Variants in PRELID2 observed in about 807,000 individuals in gnomAD.
The protein encoded by PRELID2 is PRELI domain containing 2.
PRELID2 carries 25 observed loss-of-function variants against 28.4 expected under a neutral mutation model. That is an observed-to-expected ratio of 0.88 (90% confidence interval 0.64 to 1.23). The LOEUF is 1.23. PRELID2 is among the 50% of genes most tolerant of loss of function. The pLI, the probability that PRELID2 is intolerant of heterozygous loss-of-function variation, is 0.00. For missense variants in PRELID2, 201 were observed against 214.4 expected, an observed-to-expected ratio of 0.94 and a Z score of 0.39; for synonymous variants, 76 against 71.6, an observed-to-expected ratio of 1.06 and a Z score of -0.31.
intron 2 of PRELID2, among the ~76,000 whole-genome samples, chr5:145,821,451 A>G (rs1302789986): frequency 6.6e-6 from 1 of 152,128 alleles, no homozygotes; most frequent in Non-Finnish European, 1.5e-5. Flanking sequence ...TTCTGCGGTG[A>G]AGTTTCCAGA....
At chr5:145,577,908 T>C (rs559008814) in intron 1 of PRELID2, among the ~76,000 whole-genome samples, 1 of 152,228 alleles carries the variant, frequency 6.6e-6, no homozygotes, top group Middle Eastern at 3.4e-3. Flanking sequence ...GAATAAAAAA[T>C]AAACAAATGC....
At chr5:145,515,045 G>T (rs1184070461) in intron 1 of PRELID2, among the ~76,000 whole-genome samples, 1 of 152,060 alleles carries the variant, frequency 6.6e-6, no homozygotes, top group East Asian at 1.9e-4. Context: ...ATGGCCACAG[G>T]ACAAAGCGGG....
At chr5:145,819,825 T>C (rs1210149466) in intron 3 of PRELID2, 120 bp downstream of exon 3, 24 of 735,976 alleles carry the variant, frequency 3.3e-5, no homozygotes, top group Non-Finnish European at 5.2e-5. Flanking sequence ...CAGAAGGTTC[T>C]GAGGTAAAAG....
chr5:145,497,304 C>G (rs569343293), intron 1 of PRELID2, among the ~76,000 whole-genome samples: 1 of 152,278 alleles, frequency 6.6e-6, no homozygotes, highest in South Asian at 2.1e-4. Flanking sequence ...TCAGATATGA[C>G]TTTCCAGCTT....
the PRELID2 span, among the ~76,000 whole-genome samples, chr5:145,458,133 C>G: frequency 2.0e-5 from 3 of 152,144 alleles, no homozygotes; most frequent in Non-Finnish European, 4.4e-5. Context: ...TTCAAAGATA[C>G]TTTGCTACTT....
At chr5:145,614,213 C>T (rs185564705) in intron 1 of PRELID2, among the ~76,000 whole-genome samples, 18 of 152,242 alleles carry the variant, frequency 1.2e-4, no homozygotes, top group African/African-American at 2.2e-4. Flanking sequence ...GCTGTTTTGG[C>T]GACTATGGCC....
chr5:145,699,733 C>T (rs1478706883), intron 1 of PRELID2, among the ~76,000 whole-genome samples: 1 of 152,154 alleles, frequency 6.6e-6, no homozygotes, highest in Non-Finnish European at 1.5e-5. Flanking sequence ...CTAAGCGTGG[C>T]CCCAGACTCT....
chr5:145,351,303 G>T, the PRELID2 span, among the ~76,000 whole-genome samples: 1 of 152,248 alleles, frequency 6.6e-6, no homozygotes, highest in South Asian at 2.1e-4. Context: ...AGTTCCACAT[G>T]GTTGGGGAGG....
the PRELID2 span, among the ~76,000 whole-genome samples, chr5:145,322,949 C>G: frequency 1.3e-5 from 2 of 152,086 alleles, no homozygotes; most frequent in African/African-American, 4.8e-5. Flanking sequence ...CCACTGCACT[C>G]CAGCCTGGTG....
intron 1 of PRELID2, among the ~76,000 whole-genome samples, chr5:145,520,766 CA>C (rs1333229202): frequency 1.3e-5 from 2 of 152,104 alleles, no homozygotes; most frequent in Non-Finnish European, 2.9e-5. Flanking sequence ...AAACCTCAAG[CA>C]GACAAGGATT....
At chr5:145,812,768 T>C (rs1242045044) in intron 4 of PRELID2, among the ~76,000 whole-genome samples, 1 of 152,186 alleles carries the variant, frequency 6.6e-6, no homozygotes, top group Non-Finnish European at 1.5e-5. Flanking sequence ...GAGAGTCAGA[T>C]GAGTGAGAAA....
At chr5:145,238,842 A>G in the PRELID2 span, among the ~76,000 whole-genome samples, 6 of 152,126 alleles carry the variant, frequency 3.9e-5, no homozygotes, top group Admixed American at 2.6e-4. Flanking sequence ...CTTTCCTTCA[A>G]TAAAGAAGTC....
chr5:145,407,643 C>G, the PRELID2 span, among the ~76,000 whole-genome samples: 1 of 152,202 alleles, frequency 6.6e-6, no homozygotes, highest in Non-Finnish European at 1.5e-5. Context: ...TCCCCTTTAA[C>G]TCCTGTAGCT....
chr5:145,392,739 A>G, the PRELID2 span, among the ~76,000 whole-genome samples: 261 of 152,046 alleles, frequency 1.7e-3, 2 homozygotes, highest in Admixed American at 0.014. Context: ...GAAAGGAAGG[A>G]AGGAAGGAAG....
At chr5:145,796,129 TTAAA>T (rs1006427639) in intron 5 of PRELID2, 9 of 180,190 alleles carry the variant, frequency 5.0e-5, no homozygotes, top group African/African-American at 7.1e-5. Flanking sequence ...ATTATCTTTA[TTAAA>T]TAGTTGTCAT....
chr5:145,299,992 T>G, the PRELID2 span, among the ~76,000 whole-genome samples: 6 of 152,132 alleles, frequency 3.9e-5, no homozygotes, highest in Admixed American at 2.6e-4. Context: ...TTTGTCTTTT[T>G]TCATTTCATT....
chr5:145,248,206 G>GT, the PRELID2 span, among the ~76,000 whole-genome samples: 5 of 151,848 alleles, frequency 3.3e-5, no homozygotes, highest in East Asian at 1.9e-4. Context: ...TCATTCCTTC[G>GT]TTCCCCCCCC....
At chr5:145,601,740 T>A (rs1434142337) in intron 1 of PRELID2, among the ~76,000 whole-genome samples, 1 of 152,188 alleles carries the variant, frequency 6.6e-6, no homozygotes, top group Non-Finnish European at 1.5e-5. Flanking sequence ...GATGTGTAAC[T>A]TTGACACAGT....
intron 1 of PRELID2, among the ~76,000 whole-genome samples, chr5:145,674,060 T>C (rs1035136633): frequency 3.3e-5 from 5 of 152,162 alleles, no homozygotes; most frequent in African/African-American, 1.2e-4. Flanking sequence ...TACCATTAAT[T>C]TGGAAAAACA....
Sources: allele counts gnomAD v4.1 joint callset (sites outside exome capture counted in the v4.1 genomes callset), GRCh38; gene constraint gnomAD v4.1.1; transcripts MANE v1.5; gene names NCBI Gene and HGNC (gene_info 2026-07-23, HGNC 2026-07-21).